Variants in VPS53 observed in about 807,000 individuals in gnomAD.
VPS53 encodes the protein VPS53 subunit of GARP complex, also known as vacuolar protein sorting-associated protein 53 homolog.
A neutral mutation model predicts 107.0 loss-of-function variants in VPS53; 70 were observed. The observed-to-expected ratio is 0.65, with a 90% confidence interval of 0.54 to 0.80. The LOEUF (loss-of-function observed/expected upper bound fraction) is 0.80. Among genes scored for constraint, VPS53 ranks in the 30% least tolerant of loss-of-function variants. VPS53 has a pLI of 0.00. For missense variants in VPS53, 917 were observed against 1,049.4 expected (o/e 0.87, Z 1.74); for synonymous variants, 409 against 393.3 (o/e 1.04, Z -0.47).
At chr17:568,194 G>A (rs555521777) in intron 13 of VPS53, among the ~76,000 whole-genome samples, 155 of 152,262 alleles carry the variant, frequency 1.0e-3, no homozygotes, top group Non-Finnish European at 1.6e-3. Context: ...AGATGGCAAC[G>A]CAGGTGAGCA....
chr17:665,829 C>A (rs920351541), intron 4 of VPS53, among the ~76,000 whole-genome samples: 2 of 152,090 alleles, frequency 1.3e-5, no homozygotes, highest in Non-Finnish European at 2.9e-5. Flanking sequence ...CATGGTGAAA[C>A]CCCGTCTCTA....
intron 4 of VPS53, among the ~76,000 whole-genome samples, chr17:694,077 A>C (rs541500342): frequency 6.7e-6 from 1 of 149,894 alleles, no homozygotes; most frequent in Non-Finnish European, 1.5e-5. Context: ...AGCTCCTTGG[A>C]AAAAAAAAAG....
chr17:663,053 GT>G (rs1971539662), intron 4 of VPS53, among the ~76,000 whole-genome samples: 1 of 151,784 alleles, frequency 6.6e-6, no homozygotes, highest in Non-Finnish European at 1.5e-5. Context: ...AAAAAAAAAA[GT>G]TAGCCAGGCA....
chr17:611,733 G>A (rs1178552804), intron 11 of VPS53, among the ~76,000 whole-genome samples: 1 of 152,078 alleles, frequency 6.6e-6, no homozygotes, highest in African/African-American at 2.4e-5. Flanking sequence ...TATTCACATA[G>A]TGAGTTCACA....
intron 19 of VPS53, 54 bp from the exon 20 acceptor site, chr17:521,792 G>C: frequency 7.1e-7 from 1 of 1,407,216 alleles, no homozygotes. Flanking sequence ...CCAGTGCCGA[G>C]TGGACTCATG....
At chr17:709,663 G>A (rs1333853379) in intron 2 of VPS53, among the ~76,000 whole-genome samples, 3 of 152,144 alleles carry the variant, frequency 2.0e-5, no homozygotes, top group African/African-American at 7.2e-5. Flanking sequence ...ACACATGACA[G>A]GCACCTACTG....
chr17:612,097 T>C (rs1254622668), intron 11 of VPS53, among the ~76,000 whole-genome samples: 1 of 150,738 alleles, frequency 6.6e-6, no homozygotes, highest in East Asian at 2.0e-4. Context: ...GTTCACACAG[T>C]GAAAACCTGT....
At chr17:544,164 A>G (rs974285325) in intron 17 of VPS53, among the ~76,000 whole-genome samples, 2 of 152,150 alleles carry the variant, frequency 1.3e-5, no homozygotes, top group Non-Finnish European at 2.9e-5. Context: ...ACTGTAGAAA[A>G]GTCCTGGTGT....
chr17:583,679 C>T (rs753273402), intron 13 of VPS53, among the ~76,000 whole-genome samples: 4 of 150,844 alleles, frequency 2.7e-5, no homozygotes, highest in Non-Finnish European at 4.4e-5. Context: ...GACCTCAATG[C>T]GTTCCCAGAG....
Position 560,692 on chromosome 17 carries a change from C to G in VPS53, c.1557-119G>C. On this transcript the variant is annotated intron_variant, in intron 14 of 21. Transcript: ENST00000437048. ...AGTAAAGGCTGGACATGGCCCAAAT[C>G]AATTCACATACAATGAGTCCTTTTC... 1.0e-5 allele frequency: 12 copies of G among 1,180,806 alleles called. No individual in the cohort carries two copies. In the South Asian group the frequency reaches 1.8e-4, roughly 18 times the overall value. The allele number at this position is 1,180,806 out of a possible 1,614,324, so 73.1% of individuals were successfully genotyped here.
At chr17:531,852 C>G (rs1909591635) in intron 19 of VPS53, 1 of 146,774 alleles carries the variant, frequency 6.8e-6, no homozygotes. Context: ...TCTGAGCTCA[C>G]TGCAACCTCC....
intron 19 of VPS53, among the ~76,000 whole-genome samples, chr17:526,837 T>C (rs1269965920): frequency 6.6e-6 from 1 of 152,178 alleles, no homozygotes; most frequent in African/African-American, 2.4e-5. Flanking sequence ...CTTGGGGACA[T>C]GATGACTATC....
At chr17:617,283 A>C (rs1044740598) in intron 11 of VPS53, among the ~76,000 whole-genome samples, 2 of 152,204 alleles carry the variant, frequency 1.3e-5, no homozygotes, top group Non-Finnish European at 2.9e-5. Context: ...AGGCAGGAGC[A>C]TGGCTTGGGA....
chr17:627,377 G>C (rs550251225), intron 9 of VPS53, 61 bp from the exon 10 acceptor site: 2 of 1,545,238 alleles, frequency 1.3e-6, no homozygotes, highest in East Asian at 4.6e-5. Context: ...GCAGTTCAAG[G>C]AAACAAGCAA....
intron 11 of VPS53, among the ~76,000 whole-genome samples, chr17:608,552 A>T (rs912385123): frequency 1.3e-4 from 20 of 149,552 alleles, no homozygotes; most frequent in South Asian, 2.1e-4. Flanking sequence ...TTTATTTAAA[A>T]TTTTTTTTTC....
chr17:558,303 T>C (rs1358482450), intron 15 of VPS53, among the ~76,000 whole-genome samples: 1 of 152,128 alleles, frequency 6.6e-6, no homozygotes. Context: ...CCGTCTCTAC[T>C]AAAAATACAA....
chr17:581,645 C>A lies in VPS53; in HGVS notation c.1313+4625G>T, dbSNP rs144454852. On this transcript the variant is annotated intron_variant, in intron 13 of 21. Transcript: ENST00000437048. ...AGAGAACCTCCCTAAGGACGTAATG[C>A]ATTCACAGAGGACTTCCCTCAGAAC... Among the ~76,000 whole-genome samples, 661 of 150,644 alleles carry A rather than the reference C, an allele frequency of 4.4e-3. 3 individuals are homozygous for A. Among genetic ancestry groups the A allele is most frequent in the African/African-American group, 0.015 (624 of 40,920 alleles).
chr17:646,268 T>C (rs1319032224), intron 7 of VPS53, among the ~76,000 whole-genome samples: 2 of 127,124 alleles, frequency 1.6e-5, no homozygotes, highest in African/African-American at 2.7e-5. Flanking sequence ...TACCACGGAC[T>C]GGAGATCGGC....
At chr17:608,123 G>C (rs553617980) in intron 11 of VPS53, among the ~76,000 whole-genome samples, 1 of 152,282 alleles carries the variant, frequency 6.6e-6, no homozygotes, top group African/African-American at 2.4e-5. Flanking sequence ...TGGCTGCGGG[G>C]CTTTAGCTGA....
Sources: gnomAD v4.1 joint callset for allele counts (sites outside exome capture counted in the v4.1 genomes callset) on GRCh38, gnomAD v4.1.1 for gene constraint, MANE v1.5 for transcripts, NCBI Gene and HGNC (gene_info 2026-07-23, HGNC 2026-07-21) for gene names.